Variants in TBXAS1 observed in about 807,000 individuals in gnomAD.
TBXAS1 encodes the protein thromboxane-A synthase.
TBXAS1 carries 48 observed loss-of-function variants against 60.7 expected under a neutral mutation model. That is an observed-to-expected ratio of 0.79 (90% CI 0.63 to 1.01). The LOEUF (loss-of-function observed/expected upper bound fraction) is 1.01, where lower values mean the gene tolerates loss of function less well. Among genes scored for constraint, TBXAS1 ranks in the 50% least tolerant of loss-of-function variants. The pLI is 0.00. For missense variants in TBXAS1, 685 were observed against 686.3 expected, an observed-to-expected ratio of 1.00 and a Z score of 0.02; for synonymous variants, 287 against 269.7, an observed-to-expected ratio of 1.06 and a Z score of -0.63.
At chr7:139,790,983 T>G (rs1385199158) in intron 4 of TBXAS1, among the ~76,000 whole-genome samples, 1 of 152,128 alleles carries the variant, frequency 6.6e-6, no homozygotes, top group Non-Finnish European at 1.5e-5. Context: ...TTGTATGTTT[T>G]TGTAGAGATG....
chr7:140,006,308 G>T (rs914919397), intron 9 of TBXAS1, among the ~76,000 whole-genome samples: 1 of 152,142 alleles, frequency 6.6e-6, no homozygotes, highest in Non-Finnish European at 1.5e-5. Context: ...TCATGGGCAC[G>T]TGTTCATCTT....
chr7:139,842,770 G>A (rs562647772), intron 1 of TBXAS1, among the ~76,000 whole-genome samples: 251 of 152,328 alleles, frequency 1.6e-3, no homozygotes, highest in African/African-American at 5.4e-3. Flanking sequence ...GCCCTGGCCC[G>A]CGCTGTGGGG....
chr7:139,993,892 C>CT (rs71170931), intron 9 of TBXAS1, among the ~76,000 whole-genome samples: 6,199 of 111,620 alleles, frequency 0.056, 241 homozygotes, highest in Middle Eastern at 0.076. Context: ...TTCTTTCTTT[C>CT]TTTTTTTTTT....
At chr7:139,968,792 T>C (rs1441405861) in intron 9 of TBXAS1, among the ~76,000 whole-genome samples, 3 of 152,198 alleles carry the variant, frequency 2.0e-5, no homozygotes, top group African/African-American at 7.2e-5. Flanking sequence ...CCTTGGTCTA[T>C]GGAAAAGGAG....
chr7:139,843,052 T>C (rs1210254969), intron 1 of TBXAS1, among the ~76,000 whole-genome samples: 2 of 152,124 alleles, frequency 1.3e-5, no homozygotes, highest in Admixed American at 1.3e-4. Context: ...GCCTCCACAT[T>C]CTGATCTGAA....
At chr7:139,807,470 G>A (rs924034057) in intron 4 of TBXAS1, among the ~76,000 whole-genome samples, 23 of 151,768 alleles carry the variant, frequency 1.5e-4, no homozygotes, top group African/African-American at 4.6e-4. Context: ...TGCAACCTCC[G>A]CCTCCCGGGT....
At chr7:139,810,471 C>T (rs1349189363) in intron 4 of TBXAS1, among the ~76,000 whole-genome samples, 1 of 152,144 alleles carries the variant, frequency 6.6e-6, no homozygotes, top group East Asian at 1.9e-4. Flanking sequence ...CTATATTCGC[C>T]ATGGGGATAG....
At chr7:139,790,170 C>A (rs1353483447) in intron 4 of TBXAS1, among the ~76,000 whole-genome samples, 1 of 152,166 alleles carries the variant, frequency 6.6e-6, no homozygotes, top group Non-Finnish European at 1.5e-5. Context: ...TCATTCTATC[C>A]CAAATTGCTG....
intron 3 of TBXAS1, among the ~76,000 whole-genome samples, chr7:139,894,839 C>T (rs990773382): frequency 3.9e-5 from 6 of 152,170 alleles, no homozygotes; most frequent in African/African-American, 7.2e-5. Context: ...GTCTTTGCTA[C>T]GTGTACAGCA....
chr7:139,848,312 T>C (rs775515684), intron 1 of TBXAS1, among the ~76,000 whole-genome samples: 1 of 152,114 alleles, frequency 6.6e-6, no homozygotes, highest in South Asian at 2.1e-4. Flanking sequence ...TCTGTTAATT[T>C]TGGGTATATG....
intron 9 of TBXAS1, among the ~76,000 whole-genome samples, chr7:139,966,835 C>CGGGA: frequency 6.6e-6 from 1 of 152,310 alleles, no homozygotes; most frequent in South Asian, 2.1e-4. Flanking sequence ...TGCCGCCCTG[C>CGGGA]GGGAGGAGAG....
chr7:139,956,969 G>C (rs1238529822), intron 7 of TBXAS1, among the ~76,000 whole-genome samples: 1 of 152,254 alleles, frequency 6.6e-6, no homozygotes, highest in African/African-American at 2.4e-5. Flanking sequence ...CCGGTACAGG[G>C]TGAACCCACA....
chr7:140,006,996 A>G, intron 9 of TBXAS1, 95 bp from the exon 10 acceptor site: 1 of 1,239,992 alleles, frequency 8.1e-7, no homozygotes, highest in Non-Finnish European at 1.2e-6. Flanking sequence ...ATGTTTGCCA[A>G]AGTTGGAAAC....
intron 3 of TBXAS1, among the ~76,000 whole-genome samples, chr7:139,885,552 C>A (rs565168674): frequency 6.6e-6 from 1 of 152,214 alleles, no homozygotes; most frequent in Non-Finnish European, 1.5e-5. Flanking sequence ...AAAGTGCACA[C>A]ATTTACCCAA....
At chr7:139,895,249 G>A (rs1000540140) in intron 3 of TBXAS1, among the ~76,000 whole-genome samples, 1 of 152,240 alleles carries the variant, frequency 6.6e-6, no homozygotes, top group African/African-American at 2.4e-5. Flanking sequence ...TGGCTGGAGA[G>A]AGGGACACAG....
upstream of TBXAS1, among the ~76,000 whole-genome samples, chr7:139,826,442 G>A (rs573150467): frequency 3.7e-4 from 56 of 152,264 alleles, no homozygotes; most frequent in African/African-American, 6.3e-4. Flanking sequence ...TTCATAATAC[G>A]TCTGTTAAAA....
chr7:139,996,740 G>A (rs1400553148), intron 9 of TBXAS1, among the ~76,000 whole-genome samples: 1 of 152,148 alleles, frequency 6.6e-6, no homozygotes, highest in African/African-American at 2.4e-5. Flanking sequence ...ATAATCCCTT[G>A]GGGGACTTCT....
chr7:139,933,258 AC>A (rs1459438706), intron 4 of TBXAS1, among the ~76,000 whole-genome samples: 1 of 152,158 alleles, frequency 6.6e-6, no homozygotes, highest in Non-Finnish European at 1.5e-5. Context: ...CAGGTGCAAG[AC>A]AAAAAATAGT....
rs542460511 is a variant in TBXAS1, at chr7:139,985,690, C to G, written c.1135-21401C>G. Among the ~76,000 whole-genome samples, 13 of 152,330 alleles carry G rather than the reference C, an allele frequency of 8.5e-5. No homozygotes were observed. In the South Asian group the frequency reaches 1.4e-3, roughly 17 times the overall value. ...TCAAAACTCAGCACTGGTGATTTCACGTCTGTTGATGGGATTCATCTGTCC... is the reference window on the plus strand; with the variant it reads ...TCAAAACTCAGCACTGGTGATTTCAGGTCTGTTGATGGGATTCATCTGTCC... On this transcript the variant is annotated intron_variant, in intron 9 of 12. Transcript: ENST00000448866.
Sources: gnomAD v4.1 joint callset for allele counts (sites outside exome capture counted in the v4.1 genomes callset) on GRCh38, gnomAD v4.1.1 for gene constraint, MANE v1.5 for transcripts, NCBI Gene and HGNC (gene_info 2026-07-23, HGNC 2026-07-21) for gene names.